The following AFF1 variants were observed in gnomAD, a reference collection of about 807,000 sequenced individuals.
AFF1 encodes the protein ALF transcription elongation factor 1.
A neutral mutation model predicts 121.7 loss-of-function variants in AFF1; 48 were observed. That is an observed-to-expected ratio of 0.39 (90% CI 0.31 to 0.50). AFF1 has a LOEUF of 0.50. Ranked by LOEUF, AFF1 falls within the 20% of genes least tolerant of loss-of-function variation. The pLI is 0.76. For synonymous variants in AFF1, 613 were observed against 563.0 expected (o/e 1.09, Z -1.26); for missense variants, 1,523 against 1,511.7 (o/e 1.01, Z -0.12).
At chr4:86,961,627 A>G (rs1300895979) in intron 2 of AFF1, among the ~76,000 whole-genome samples, 1 of 151,566 alleles carries the variant, frequency 6.6e-6, no homozygotes, top group Non-Finnish European at 1.5e-5. Flanking sequence ...CTACTGAGTC[A>G]TATGGCAGGA....
Position 87,126,085 on chromosome 4 carries a change from A to C in AFF1, c.2574-14A>C. 1 of 1,612,322 alleles carries C rather than the reference A, an allele frequency of 6.2e-7. No homozygotes were observed. The highest frequency in any genetic ancestry group is 8.5e-7 in the Non-Finnish European group (1 of 1,178,476). On this transcript the variant is annotated splice_polypyrimidine_tract_variant and intron_variant, in intron 13 of 20. Coordinates refer to ENST00000395146, the MANE Select transcript of AFF1 (RefSeq NM_001166693.3). ...CTTTGCCTCCTCTTAGTTTTACGTGATGTTTCACTCCAGGCCCTCCAGGCC... is the reference window on the plus strand; with the variant it reads ...CTTTGCCTCCTCTTAGTTTTACGTGCTGTTTCACTCCAGGCCCTCCAGGCC...
intron 2 of AFF1, among the ~76,000 whole-genome samples, chr4:87,026,950 T>G (rs980659071): frequency 1.1e-4 from 17 of 152,186 alleles, no homozygotes; most frequent in Non-Finnish European, 2.5e-4. Context: ...AAAAACACTT[T>G]GAAATATGAA....
intron 2 of AFF1, among the ~76,000 whole-genome samples, chr4:87,005,173 C>A (rs1318346974): frequency 3.9e-5 from 6 of 152,172 alleles, no homozygotes; most frequent in Non-Finnish European, 8.8e-5. Flanking sequence ...AATGGGGTCT[C>A]ACCATGTTGT....
chr4:87,117,661 T>C (rs1164296927), intron 12 of AFF1, among the ~76,000 whole-genome samples: 7 of 152,358 alleles, frequency 4.6e-5, no homozygotes, highest in Non-Finnish European at 1.5e-5. Flanking sequence ...ACAGAATTCC[T>C]GGCCTGAAAT....
chr4:86,980,869 T>C (rs2053772), intron 2 of AFF1, among the ~76,000 whole-genome samples: 141,584 of 151,176 alleles, frequency 0.94, 66,870 homozygotes, highest in Non-Finnish European at 1. Context: ...GGGAGGAACT[T>C]ATCCTTTAAA....
chr4:87,126,606 T>G (rs184771925), intron 14 of AFF1, among the ~76,000 whole-genome samples: 18 of 152,368 alleles, frequency 1.2e-4, no homozygotes, highest in Admixed American at 1.1e-3. Context: ...TAGGGTGTTT[T>G]ACAGTAAGAA....
chr4:87,069,635 C>G lies in AFF1; in HGVS notation c.1060-14485C>G, dbSNP rs1721799359. Reference sequence around the variant, plus strand: ...TCCCTTTCCCCCCACTTCCTCCCTTCCTTTTTTCTCTTCTCCTTCCCCTCC... The same window carrying G: ...TCCCTTTCCCCCCACTTCCTCCCTTGCTTTTTTCTCTTCTCCTTCCCCTCC... On this transcript the variant is annotated intron_variant, in intron 4 of 20. Transcript: ENST00000395146. Among the ~76,000 whole-genome samples the G allele has an allele frequency of 2.0e-5, 3 of 151,328 alleles. No homozygotes were observed. The South Asian group carries it at 6.3e-4, about 32-fold the overall frequency.
intron 16 of AFF1, among the ~76,000 whole-genome samples, chr4:87,129,784 A>G (rs777284399): frequency 6.6e-6 from 1 of 152,210 alleles, no homozygotes; most frequent in African/African-American, 2.4e-5. Flanking sequence ...TGCTACTGGT[A>G]AAACATGAGA....
intron 11 of AFF1, among the ~76,000 whole-genome samples, chr4:87,112,861 T>G (rs1243822184): frequency 6.6e-6 from 1 of 152,222 alleles, no homozygotes; most frequent in African/African-American, 2.4e-5. Context: ...TTTCTTAAGA[T>G]AAGGACATAA....
rs1729654322 is a variant in AFF1 at position 87,140,802 on chromosome 4, C to T, written c.*5101C>T. Reference sequence around the variant, plus strand: ...GGGCTTTGTGAATAAAATTTAGCTGCCTTGTATAGTCGTTTGAAAGAATAT... The same window carrying T: ...GGGCTTTGTGAATAAAATTTAGCTGTCTTGTATAGTCGTTTGAAAGAATAT... On this transcript the variant is annotated 3_prime_UTR_variant, in exon 21 of 21. Coordinates refer to ENST00000395146, the MANE Select transcript of AFF1 (RefSeq NM_001166693.3). 5.3e-6 allele frequency: 1 copy of T among 188,190 alleles called. No individual in the cohort carries two copies. The highest frequency in any genetic ancestry group is 6.2e-5 in the Admixed American group (1 of 16,166). 11.7% of individuals were successfully genotyped at this position (188,190 alleles called of 1,614,324 possible).
intron 4 of AFF1, among the ~76,000 whole-genome samples, chr4:87,082,280 G>T (rs891412664): frequency 2.6e-5 from 4 of 152,106 alleles, no homozygotes; most frequent in African/African-American, 7.2e-5. Context: ...TTACCCTCAT[G>T]TAAAAACAGC....
At chr4:87,111,175 T>C (rs1726488483) in intron 11 of AFF1, among the ~76,000 whole-genome samples, 1 of 80,744 alleles carries the variant, frequency 1.2e-5, no homozygotes, top group African/African-American at 4.2e-5. Context: ...GCCCGGCTAA[T>C]TTTTTGTATT....
intron 19 of AFF1, 122 bp from the exon 20 acceptor site, chr4:87,134,349 C>T: frequency 1.1e-6 from 1 of 907,720 alleles, no homozygotes; most frequent in Non-Finnish European, 1.7e-6. Context: ...CAGTGGTTAT[C>T]ATTTTGGCAG....
Position 87,105,798 on chromosome 4 carries a change from G to A in AFF1, c.1339-10G>A, listed in dbSNP as rs1419920048. 3.1e-6 allele frequency: 5 copies of A among 1,613,848 alleles called. No homozygotes were observed. The highest frequency in any genetic ancestry group is 1.7e-5 in the Admixed American group (1 of 59,970). The stretch of plus-strand genomic sequence containing the variant: ...TCCTGGTCTTTCTTCCCCTTATTGT[G>A]AATGCCTAGACCCCAGAGAAGCCTC... On this transcript the variant is annotated splice_polypyrimidine_tract_variant and intron_variant, in intron 9 of 20. Coordinates refer to ENST00000395146, the MANE Select transcript of AFF1 (RefSeq NM_001166693.3).
At chr4:87,121,931 T>G (rs1024977214) in intron 12 of AFF1, among the ~76,000 whole-genome samples, 1 of 152,194 alleles carries the variant, frequency 6.6e-6, no homozygotes, top group Non-Finnish European at 1.5e-5. Flanking sequence ...TGGCTTATAG[T>G]CACAACCAGC....
At chr4:86,991,076 C>T (rs1724664059) in intron 2 of AFF1, among the ~76,000 whole-genome samples, 1 of 150,760 alleles carries the variant, frequency 6.6e-6, no homozygotes, top group African/African-American at 2.4e-5. Flanking sequence ...TACTTGAACC[C>T]AGGAGGTGGA....
chr4:86,992,732 T>C (rs562087043), intron 2 of AFF1, among the ~76,000 whole-genome samples: 1 of 152,334 alleles, frequency 6.6e-6, no homozygotes, highest in African/African-American at 2.4e-5. Flanking sequence ...CCTGAAAAAC[T>C]CTGTTGCTAT....
At chr4:87,025,676 CAGAT>C (rs1728459290) in intron 2 of AFF1, among the ~76,000 whole-genome samples, 1 of 152,124 alleles carries the variant, frequency 6.6e-6, no homozygotes, top group Non-Finnish European at 1.5e-5. Context: ...ACCATCATCT[CAGAT>C]AGAGGCTAGG....
chr4:87,026,817 G>A (rs1728577688), intron 2 of AFF1, among the ~76,000 whole-genome samples: 1 of 152,078 alleles, frequency 6.6e-6, no homozygotes, highest in Non-Finnish European at 1.5e-5. Context: ...TCTAAAATCT[G>A]GTTCTCTCGT....
Sources: allele counts gnomAD v4.1 joint callset (sites outside exome capture counted in the v4.1 genomes callset), GRCh38; gene constraint gnomAD v4.1.1; transcripts MANE v1.5; gene names NCBI Gene and HGNC (gene_info 2026-07-23, HGNC 2026-07-21).